The following PRXL2C variants were observed in gnomAD, a reference collection of about 807,000 sequenced individuals.
PRXL2C encodes the protein peroxiredoxin like 2C.
In PRXL2C, 38 loss-of-function variants were observed where a neutral mutation model predicts 24.9. The observed-to-expected ratio is 1.53, with a 90% CI of 1.18 to 2.00. The LOEUF (loss-of-function observed/expected upper bound fraction) is 2.00. PRXL2C is among the 30% of genes most tolerant of loss of function. PRXL2C has a pLI of 0.00. For missense variants in PRXL2C, 294 were observed against 290.9 expected (o/e 1.01, Z -0.08); for synonymous variants, 98 against 117.2 (o/e 0.84, Z 1.06).
At chr9:96,650,221 C>T (rs1848250202) in intron 4 of PRXL2C, among the ~76,000 whole-genome samples, 1 of 152,212 alleles carries the variant, frequency 6.6e-6, no homozygotes, top group African/African-American at 2.4e-5. Context: ...GATGATGAGT[C>T]TGCATGGTGG....
intron 1 of PRXL2C, 46 bp downstream of exon 1, chr9:96,655,044 C>A: frequency 6.9e-7 from 1 of 1,453,196 alleles, no homozygotes; most frequent in Non-Finnish European, 9.0e-7. Flanking sequence ...GCAGCCTGCC[C>A]GGGACCCTGG....
At chr9:96,654,817 C>T (rs1176656008) in intron 1 of PRXL2C, 44 bp from the exon 2 acceptor site, 2 of 1,520,444 alleles carry the variant, frequency 1.3e-6, no homozygotes, top group Admixed American at 2.0e-5. Flanking sequence ...TAAAGCAGCA[C>T]CCTCGGGCCC....
At chr9:96,644,711 C>T (rs961699543) in intron 5 of PRXL2C, among the ~76,000 whole-genome samples, 11 of 151,276 alleles carry the variant, frequency 7.3e-5, no homozygotes, top group Non-Finnish European at 1.3e-4. Context: ...AACTCCTGGC[C>T]TCAAGTGATC....
chr9:96,642,696 C>T (rs1023681640), intron 5 of PRXL2C, among the ~76,000 whole-genome samples: 2 of 152,178 alleles, frequency 1.3e-5, no homozygotes, highest in Admixed American at 1.3e-4. Flanking sequence ...CAGGCTTGCA[C>T]CACCACGCCC....
At position 96,651,383 on chromosome 9, in the gene PRXL2C, G is replaced by A; in HGVS notation, c.421+7C>T. 1.9e-6 allele frequency: 3 copies of A among 1,585,192 alleles called. No homozygotes were observed. The highest frequency in any genetic ancestry group is 1.3e-5 in the African/African-American group (1 of 74,350). The stretch of plus-strand genomic sequence containing the variant: ...GTGTTTTCTATTTGAGACATGTTAT[G>A]TCTTACCTGAGGAAGCAATTTCTTC... On this transcript the variant is annotated splice_region_variant and intron_variant, in intron 4 of 5. Coordinates refer to ENST00000375234, the MANE Select transcript of PRXL2C (RefSeq NM_153698.2).
At chr9:96,650,322 T>C (rs760552522) in intron 4 of PRXL2C, among the ~76,000 whole-genome samples, 3 of 152,192 alleles carry the variant, frequency 2.0e-5, no homozygotes, top group Admixed American at 6.5e-5. Flanking sequence ...AAATTATTGA[T>C]TTTTGTTTGA....
At chr9:96,654,588 G>A in intron 2 of PRXL2C, 117 bp downstream of exon 2, 2 of 865,246 alleles carry the variant, frequency 2.3e-6, no homozygotes, top group Non-Finnish European at 3.7e-6. Context: ...AGGGTGGAGA[G>A]AGCTGCGGGG....
chr9:96,652,155 T>C (rs1003263847), intron 2 of PRXL2C, among the ~76,000 whole-genome samples: 22 of 152,178 alleles, frequency 1.4e-4, no homozygotes, highest in Admixed American at 1.2e-3. Flanking sequence ...AAACTATACA[T>C]CTGATAAGGG....
At chr9:96,648,733 G>A (rs1267542327) in intron 4 of PRXL2C, among the ~76,000 whole-genome samples, 3 of 152,144 alleles carry the variant, frequency 2.0e-5, no homozygotes, top group Non-Finnish European at 2.9e-5. Context: ...AATGAATAGT[G>A]AGGTGTTACT....
At position 96,642,971 on chromosome 9, in the gene PRXL2C, AT is replaced by A. The variant is rs552551772; in HGVS notation, c.554-1086del. On this transcript the variant is annotated intron_variant, in intron 5 of 5. Transcript: ENST00000375234. ...GCATATCTGCTGAATATGTACAGAC[AT>A]TTTTTTTTCCTGGTCATTATTCCCT... 1.3e-4 allele frequency among the ~76,000 whole-genome samples: 19 copies of A among 151,744 alleles called. 1 individual carries two copies. Among genetic ancestry groups the A allele is most frequent in the African/African-American group, 1.9e-4 (8 of 41,308 alleles).
chr9:96,645,111 G>GA (rs1848176605), intron 5 of PRXL2C, among the ~76,000 whole-genome samples: 1 of 150,806 alleles, frequency 6.6e-6, no homozygotes, highest in Non-Finnish European at 1.5e-5. Context: ...GGGTTTCACC[G>GA]TGTTAGCCAG....
At chr9:96,649,678 C>T (rs10978455) in intron 4 of PRXL2C, among the ~76,000 whole-genome samples, 20,416 of 151,434 alleles carry the variant, frequency 0.13, 4,655 homozygotes, top group African/African-American at 0.47. Context: ...CAAGCCTTGT[C>T]ATTTCTTTCT....
intron 2 of PRXL2C, among the ~76,000 whole-genome samples, chr9:96,654,149 T>C (rs1294999970): frequency 6.6e-6 from 1 of 152,206 alleles, no homozygotes; most frequent in Non-Finnish European, 1.5e-5. Flanking sequence ...CGCACAGTTA[T>C]TTAATCAATG....
intron 5 of PRXL2C, 96 bp downstream of exon 5, chr9:96,645,797 G>GAA (rs368373031): frequency 3.7e-3 from 4,063 of 1,088,322 alleles, no homozygotes; most frequent in South Asian, 5.0e-3. Context: ...ACTCCCTCTC[G>GAA]AAAAAAAAAA....
intron 2 of PRXL2C, among the ~76,000 whole-genome samples, chr9:96,652,645 G>A (rs1319953571): frequency 6.6e-6 from 1 of 152,066 alleles, no homozygotes; most frequent in Non-Finnish European, 1.5e-5. Context: ...ATGGCTATCA[G>A]TAAGATGCAA....
intron 4 of PRXL2C, among the ~76,000 whole-genome samples, chr9:96,650,968 T>G (rs1267158768): frequency 6.6e-6 from 1 of 152,168 alleles, no homozygotes; most frequent in Non-Finnish European, 1.5e-5. Context: ...TGGAGCCTGG[T>G]GTATCTGGAC....
intron 5 of PRXL2C, among the ~76,000 whole-genome samples, chr9:96,643,489 G>T (rs1322293602): frequency 6.6e-6 from 1 of 152,148 alleles, no homozygotes; most frequent in East Asian, 1.9e-4. Context: ...CTTGTGATCT[G>T]CTCACCTTGG....
chr9:96,645,235 C>T (rs1848180747), intron 5 of PRXL2C, among the ~76,000 whole-genome samples: 1 of 151,720 alleles, frequency 6.6e-6, no homozygotes, highest in Non-Finnish European at 1.5e-5. Flanking sequence ...AAAAAAGGCA[C>T]GTGACGATTT....
chr9:96,643,474 C>A (rs1416461811), intron 5 of PRXL2C, among the ~76,000 whole-genome samples: 1 of 152,120 alleles, frequency 6.6e-6, no homozygotes, highest in Non-Finnish European at 1.5e-5. Flanking sequence ...TCTCGATCTC[C>A]CGACCTTGTG....
Sources: allele counts gnomAD v4.1 joint callset (sites outside exome capture counted in the v4.1 genomes callset), GRCh38; gene constraint gnomAD v4.1.1; transcripts MANE v1.5; gene names NCBI Gene and HGNC (gene_info 2026-07-23, HGNC 2026-07-21).